The following ORC3 variants were observed in gnomAD, a reference collection of about 807,000 sequenced individuals.
The protein encoded by ORC3 is homolog of latheo, Drosophila.
A neutral mutation model predicts 100.7 loss-of-function variants in ORC3; 78 were observed. The ratio of observed to expected loss-of-function variants is 0.77; its 90% confidence interval spans 0.65 to 0.94. The LOEUF is 0.94. Among genes scored for constraint, ORC3 ranks in the 40% least tolerant of loss-of-function variants. The pLI is 0.00. For missense variants in ORC3, 789 were observed against 823.9 expected (o/e 0.96, Z 0.52); for synonymous variants, 295 against 289.3 (o/e 1.02, Z -0.20).
At chr6:87,662,217 G>C (rs1770236875) in intron 16 of ORC3, among the ~76,000 whole-genome samples, 1 of 152,120 alleles carries the variant, frequency 6.6e-6, no homozygotes, top group Admixed American at 6.6e-5. Context: ...CTGAGGTCAA[G>C]AGTTCAAGAC....
At chr6:87,673,844 A>C in the ORC3 span, among the ~76,000 whole-genome samples, 2 of 151,796 alleles carry the variant, frequency 1.3e-5, no homozygotes, top group Non-Finnish European at 2.9e-5. Context: ...CATCTCAAAA[A>C]AAAAAAGTAG....
rs1233377670 is a variant in ORC3, at chr6:87,639,300, T to C, written c.1382+2814T>C. Among the ~76,000 whole-genome samples the C allele has an allele frequency of 2.0e-5, 3 of 152,166 alleles. No homozygotes were observed. The East Asian group carries it at 5.8e-4, about 29-fold the overall frequency. On this transcript the variant is annotated intron_variant, in intron 13 of 19. Transcript: ENST00000392844. ...AGGTTAGTATGGCTGTAGACATCCC[T>C]CTACCCCTAATTCTTCTGCTTTGTT... is the stretch of plus-strand genomic sequence containing the variant.
rs1778315089 is a variant in ORC3, at chr6:87,606,028, A to G, written c.427+7A>G. The stretch of plus-strand genomic sequence containing the variant: ...CAAGCTAAAGATTGTCCAGGTAAAA[A>G]TATAAATGCCATAATAACCTTGATG... On this transcript the variant is annotated splice_region_variant and intron_variant, in intron 5 of 19. Coordinates refer to ENST00000392844, the MANE Select transcript of ORC3 (RefSeq NM_012381.4). 2.5e-6 allele frequency: 3 copies of G among 1,178,708 alleles called. No homozygotes were observed. The highest frequency in any genetic ancestry group is 3.7e-6 in the Non-Finnish European group (3 of 803,900). 73.0% of individuals were successfully genotyped at this position (1,178,708 alleles called of 1,614,324 possible). A position where few individuals can be genotyped will look rare whatever the true frequency, so the allele number is the denominator to read the frequency against.
intron 11 of ORC3, among the ~76,000 whole-genome samples, chr6:87,626,004 G>T (rs1424936474): frequency 2.6e-5 from 4 of 152,128 alleles, no homozygotes; most frequent in Non-Finnish European, 5.9e-5. Flanking sequence ...GTAGATGTGT[G>T]GTGTTATTTC....
chr6:87,653,052 A>G (rs1769398979), intron 13 of ORC3, 64 bp from the exon 14 acceptor site: 1 of 1,277,108 alleles, frequency 7.8e-7, no homozygotes, highest in Non-Finnish European at 1.1e-6. Context: ...TATATTAAAT[A>G]AAATGTTTTT....
the ORC3 span, chr6:87,675,331 T>G: frequency 2.0e-6 from 1 of 511,362 alleles, no homozygotes. Context: ...TTTTCAAACA[T>G]TAATATAAGA....
intron 1 of ORC3, among the ~76,000 whole-genome samples, chr6:87,592,690 G>C (rs1405891729): frequency 1.3e-5 from 2 of 152,098 alleles, no homozygotes; most frequent in Non-Finnish European, 2.9e-5. Flanking sequence ...AATCCAAATG[G>C]CTACTTTATA....
At chr6:87,663,778 G>A (rs1457330238) in intron 17 of ORC3, among the ~76,000 whole-genome samples, 3 of 152,096 alleles carry the variant, frequency 2.0e-5, no homozygotes, top group African/African-American at 4.8e-5. Context: ...TCTTATGACC[G>A]GGCAAAATGA....
chr6:87,617,208 T>C (rs889070094), intron 9 of ORC3, among the ~76,000 whole-genome samples: 1 of 150,158 alleles, frequency 6.7e-6, no homozygotes, highest in Non-Finnish European at 1.5e-5. Flanking sequence ...GGACCATGCA[T>C]GTGTGTGTGT....
At chr6:87,594,664 G>A (rs1423912583) in intron 2 of ORC3, 1 of 723,504 alleles carries the variant, frequency 1.4e-6, no homozygotes, top group East Asian at 5.0e-5. Context: ...TTCTTTAAAA[G>A]AGATTGTCTT....
chr6:87,597,492 A>C (rs1457273018), intron 2 of ORC3, among the ~76,000 whole-genome samples: 1 of 152,160 alleles, frequency 6.6e-6, no homozygotes, highest in Non-Finnish European at 1.5e-5. Context: ...AGGGTTATTG[A>C]GTATATACAT....
Position 87,634,909 on chromosome 6 carries a change from G to A in ORC3, c.1250G>A (p.Arg417Lys), listed in dbSNP as rs1207619157. The change falls in exon 12 of 20, where the codon AGA becomes AAA. Residue 417 changes from arginine (R) to lysine (K), a missense_variant. Physicochemically the swap from Arg to Lys is conservative, Grantham distance 26. This residue lies in a region of ORC3 where 366 missense variants were observed against 394.2 expected (regional missense o/e 0.93). Coordinates refer to ENST00000392844, the MANE Select transcript of ORC3 (RefSeq NM_012381.4). ...VYHMNYFLVLRCLHKFTSSLP... is the reference protein window; with the variant it reads ...VYHMNYFLVLKCLHKFTSSLP... ...CATATGAATTACTTCCTGGTTTTGA[G>A]ATGTCTTCATAAGTTCACCTCTTCT... 2 of 1,608,288 alleles carry A rather than the reference G, an allele frequency of 1.2e-6. No homozygotes were observed. Among genetic ancestry groups the A allele is most frequent in the Non-Finnish European group, 8.5e-7 (1 of 1,174,964 alleles).
At chr6:87,634,779 A>G (rs763851280) in intron 11 of ORC3, 66 bp from the exon 12 acceptor site, 152 of 787,712 alleles carry the variant, frequency 1.9e-4, no homozygotes, top group Non-Finnish European at 3.2e-4. Context: ...GCCATGAAGT[A>G]GATTGTATTA....
intron 17 of ORC3, 121 bp downstream of exon 17, chr6:87,663,265 C>T (rs964792250): frequency 1.4e-5 from 9 of 665,436 alleles, no homozygotes; most frequent in Middle Eastern, 9.3e-4. Context: ...CAGGGTTGCA[C>T]GTCTCATATA....
rs747686139 is a variant in ORC3, at chr6:87,645,984, C to CTTTT, written c.1383-7125_1383-7122dup. ...GTGAAATAATTTTTTCTTTTTTTTT[C>CTTTT]TTTTTTTTTTCTTTTTTTTTGAGGC... On this transcript the variant is annotated intron_variant, in intron 13 of 19. Coordinates refer to ENST00000392844, the MANE Select transcript of ORC3 (RefSeq NM_012381.4). Among the ~76,000 whole-genome samples, 29 of 126,998 alleles carry CTTTT rather than the reference C, an allele frequency of 2.3e-4. 2 individuals carry two copies. Among genetic ancestry groups the CTTTT allele is most frequent in the Admixed American group, 3.3e-4 (4 of 12,284 alleles). 83.3% of individuals were successfully genotyped at this position (126,998 alleles called of 152,430 possible). A position where few individuals can be genotyped will look rare whatever the true frequency, so the allele number is the denominator to read the frequency against.
chr6:87,632,901 A>ACTCT (rs1767533691), intron 11 of ORC3, among the ~76,000 whole-genome samples: 1 of 152,130 alleles, frequency 6.6e-6, no homozygotes, highest in African/African-American at 2.4e-5. Context: ...AAACACTAGA[A>ACTCT]CTCTACTCAG....
intron 13 of ORC3, among the ~76,000 whole-genome samples, chr6:87,641,310 A>T (rs1768233205): frequency 6.6e-6 from 1 of 152,162 alleles, no homozygotes; most frequent in African/African-American, 2.4e-5. Flanking sequence ...TTTCTTTCAA[A>T]TGAGGAAACC....
rs201654669 is a variant in ORC3, at chr6:87,621,505, T to C, written c.1121+18T>C. 3.6e-5 allele frequency: 56 copies of C among 1,545,846 alleles called. No homozygotes were observed. The highest frequency in any genetic ancestry group is 3.7e-5 in the South Asian group (3 of 81,070). ...TTTAGGAGGTAAAAAGAGAAGTACA[T>C]GTTTAACACATACTATACTAGAATT... On this transcript the variant is annotated intron_variant, in intron 10 of 19. Transcript: ENST00000392844.
chr6:87,654,676 A>G (rs1473191937), intron 14 of ORC3, among the ~76,000 whole-genome samples: 1 of 152,352 alleles, frequency 6.6e-6, no homozygotes, highest in South Asian at 2.1e-4. Context: ...CCTTAAGTAC[A>G]TAAATAGGGT....
Sources: gnomAD v4.1 joint callset for allele counts (sites outside exome capture counted in the v4.1 genomes callset) on GRCh38, gnomAD v4.1.1 for gene constraint, gnomAD v4.1.1 regional missense constraint, MANE v1.5 for transcripts, NCBI Gene and HGNC (gene_info 2026-07-23, HGNC 2026-07-21) for gene names.